Variants in LIMK2 observed in about 807,000 individuals in gnomAD.
The protein encoded by LIMK2 is LIM domain kinase 2.
In LIMK2, 35 loss-of-function variants were observed where a neutral mutation model predicts 75.7. That is an observed-to-expected ratio of 0.46 (90% CI 0.35 to 0.61). The LOEUF (loss-of-function observed/expected upper bound fraction) is 0.61, where lower values mean the gene tolerates loss of function less well. Among genes scored for constraint, LIMK2 ranks in the 20% least tolerant of loss-of-function variants. The probability of loss-of-function intolerance (pLI) is 0.00; values close to 1 mark genes in which losing one functional copy is unlikely to be tolerated. For missense variants in LIMK2, 623 were observed against 831.0 expected (o/e 0.75, Z 3.08); for synonymous variants, 301 against 319.2 (o/e 0.94, Z 0.61).
intron 2 of LIMK2, among the ~76,000 whole-genome samples, chr22:31,227,929 T>C (rs2048492926): frequency 6.6e-6 from 1 of 152,146 alleles, no homozygotes; most frequent in African/African-American, 2.4e-5. Flanking sequence ...AAAGACTTGC[T>C]CAGGCCATGG....
chr22:31,253,819 G>A (rs759063972), intron 2 of LIMK2, among the ~76,000 whole-genome samples: 5 of 152,166 alleles, frequency 3.3e-5, no homozygotes, highest in Non-Finnish European at 7.3e-5. Flanking sequence ...ATATAAATAA[G>A]GTACCTCATA....
chr22:31,278,187 G>A (rs1337594891), intron 15 of LIMK2, 110 bp from the exon 16 acceptor site: 1 of 920,532 alleles, frequency 1.1e-6, no homozygotes, highest in Non-Finnish European at 1.7e-6. Context: ...AGGTGAAGGA[G>A]TTTGCCTGAC....
chr22:31,212,453 G>T (rs1415113543), intron 1 of LIMK2, 29 bp downstream of exon 1: 1 of 1,318,280 alleles, frequency 7.6e-7, no homozygotes, highest in South Asian at 2.9e-5. Context: ...GCCCTGTCCC[G>T]CTGTTATCTC....
Position 31,271,154 on chromosome 22 carries a change from T to C in LIMK2, c.1336T>C (p.Cys446Arg), listed in dbSNP as rs904459217. ...GTTCCAGGCCTATTTGCACTCTATG[T>C]GCATCATCCACCGGGATCTGAACTC... Reference protein sequence around the residue: ...ASGMAYLHSMCIIHRDLNSHN... With the variant: ...ASGMAYLHSMRIIHRDLNSHN... The change falls in exon 12 of 16, where the codon TGC (cysteine) becomes CGC (arginine). Residue 446 changes from cysteine to arginine, a missense_variant. Cys to Arg is a radical substitution (Grantham distance 180). This residue lies in a region of LIMK2 where 514 missense variants were observed against 661.3 expected (regional missense o/e 0.78). Transcript: ENST00000331728. The C allele has an allele frequency of 4.1e-5, 66 of 1,613,994 alleles. No homozygotes were observed. Among genetic ancestry groups the C allele is most frequent in the Non-Finnish European group, 5.6e-5 (66 of 1,179,964 alleles).
intron 1 of LIMK2, among the ~76,000 whole-genome samples, chr22:31,224,246 G>C (rs2048459960): frequency 1.3e-5 from 2 of 152,162 alleles, no homozygotes; most frequent in African/African-American, 4.8e-5. Context: ...CTTTTTGGAG[G>C]AACATGGACC....
In LIMK2 at chr22:31,275,258, G is replaced by T. The variant is rs144719111; in HGVS notation, c.1722G>T (p.Pro574=). Residue 574 remains proline (P), a synonymous_variant, in exon 15 of 16, where the codon CCG becomes CCT. Transcript: ENST00000331728. The part of the protein sequence containing the change: ...WEKFVPTDCP[P]AFFPLAAICC... ...AGTTTGTTCCCACAGATTGTCCCCC[G>T]GCCTTCTTCCCGCTGGCCGCCATCT... 1 of 1,614,172 alleles carries T rather than the reference G, an allele frequency of 6.2e-7. No homozygotes were observed.
intron 2 of LIMK2, among the ~76,000 whole-genome samples, chr22:31,243,140 A>G (rs1028707603): frequency 6.6e-6 from 1 of 152,162 alleles, no homozygotes; most frequent in South Asian, 2.1e-4. Flanking sequence ...CAGGTTGGTC[A>G]CGAACACTTG....
rs2048820854 is a variant in LIMK2 at position 31,259,919 on chromosome 22, A to G, written c.393A>G (p.Ala131=). ...AGTGCCACAATGAGGTGGTGCTGGC[A>G]CCCATGTTTGAGAGACTCTCCACAG... The part of the protein sequence containing the change: ...CGKCHNEVVL[A]PMFERLSTES... The change falls in exon 5 of 16, where the codon GCA becomes GCG. Residue 131 remains alanine (A), a synonymous_variant. Transcript: ENST00000331728. The G allele has an allele frequency of 1.2e-6, 2 of 1,609,350 alleles. No individual in the cohort carries two copies. The highest frequency in any genetic ancestry group is 3.4e-5 in the Admixed American group (2 of 58,746).
chr22:31,276,733 C>G, intron 15 of LIMK2: 1 of 1,498,060 alleles, frequency 6.7e-7, no homozygotes, highest in Non-Finnish European at 8.9e-7. Context: ...TTGGCGGCCC[C>G]GGCCCCGGCC....
At position 31,271,570 on chromosome 22, in the gene LIMK2, G is replaced by T. The variant is rs371984026; in HGVS notation, c.1383+369G>T. On this transcript the variant is annotated intron_variant, in intron 12 of 15. Coordinates refer to ENST00000331728, the MANE Select transcript of LIMK2 (RefSeq NM_005569.4). ...GTGGCACCTGAAGCCTCAGCCTGAG[G>T]CCACCGAGCTAGTAAATTTACAGGG... 4.6e-5 allele frequency among the ~76,000 whole-genome samples: 7 copies of T among 152,266 alleles called. No individual in the cohort carries two copies. In the East Asian group the frequency reaches 7.7e-4, roughly 17 times the overall value.
chr22:31,225,876 A>C, intron 2 of LIMK2, 57 bp downstream of exon 2: 3 of 1,226,264 alleles, frequency 2.4e-6, no homozygotes, highest in South Asian at 1.2e-5. Flanking sequence ...GCACTATTTC[A>C]TGTTCTGATG....
Position 31,234,326 on chromosome 22 carries a change from TA to T in LIMK2, c.116+8521del, listed in dbSNP as rs1381969510. ...TGCACCTGGCTGGAAGGAGTGATCT[TA>T]AAAAAAAAAAAAACAAAAAAAAACT... On this transcript the variant is annotated intron_variant, in intron 2 of 15. Transcript: ENST00000331728. 5.2e-3 allele frequency among the ~76,000 whole-genome samples: 664 copies of T among 127,800 alleles called. 6 individuals carry two copies. The highest frequency in any genetic ancestry group is 7.9e-3 in the Non-Finnish European group (473 of 59,810). 83.8% of individuals were successfully genotyped at this position (127,800 alleles called of 152,430 possible). A position where few individuals can be genotyped will look rare whatever the true frequency, so the allele number is the denominator to read the frequency against.
chr22:31,254,857 G>T (rs2048761545), intron 2 of LIMK2, among the ~76,000 whole-genome samples: 1 of 152,106 alleles, frequency 6.6e-6, no homozygotes, highest in African/African-American at 2.4e-5. Flanking sequence ...TACTCAGGAG[G>T]CTGAGGTGGG....
rs1176957466 is a variant in LIMK2 at position 31,258,329 on chromosome 22, A to G, written c.155A>G (p.Tyr52Cys). The stretch of plus-strand genomic sequence containing the variant: ...CAGGATTCCCTCACCAACTGGTACT[A>G]TGAGAAGGATGGGAAGCTCTACTGC... ...ECQDSLTNWYYEKDGKLYCPK... is the reference protein window; with the variant it reads ...ECQDSLTNWYCEKDGKLYCPK... The change falls in exon 3 of 16, where the codon TAT (tyrosine) becomes TGT (cysteine). Residue 52 changes from tyrosine to cysteine, a missense_variant. Physicochemically the swap from Tyr to Cys is radical, Grantham distance 194 (BLOSUM62 -2). Coordinates refer to ENST00000331728, the MANE Select transcript of LIMK2 (RefSeq NM_005569.4). The G allele has an allele frequency of 5.0e-6, 8 of 1,613,118 alleles. No homozygotes were observed. Among genetic ancestry groups the G allele is most frequent in the Non-Finnish European group, 5.9e-6 (7 of 1,179,476 alleles).
At chr22:31,243,804 G>A (rs1463099521) in intron 2 of LIMK2, among the ~76,000 whole-genome samples, 1 of 152,158 alleles carries the variant, frequency 6.6e-6, no homozygotes, top group Admixed American at 6.5e-5. Flanking sequence ...AGGGTGGGAG[G>A]GTGAAATATA....
rs777215686 is a variant in LIMK2 at position 31,248,795 on chromosome 22, T to A, written c.117-9496T>A. On this transcript the variant is annotated intron_variant, in intron 2 of 15. Transcript: ENST00000331728. ...GTGAGTTGGTCTCCGAGTTCCCCTC[T>A]CCATCTCTCCTGGCCCCTGGTCCTG... 20 of 1,612,806 alleles carry A rather than the reference T, an allele frequency of 1.2e-5. No homozygotes were observed. In the Admixed American group the frequency reaches 3.3e-4, roughly 27 times the overall value.
In LIMK2 at chr22:31,278,351, G is replaced by A. The variant is rs1244089102; in HGVS notation, c.1827G>A (p.Gly609=). 1.2e-6 allele frequency: 2 copies of A among 1,613,964 alleles called. No individual in the cohort carries two copies. Among genetic ancestry groups the A allele is most frequent in the Non-Finnish European group, 1.7e-6 (2 of 1,179,926 alleles). ...DSFEALSLYL[G]ELGIPLPAEL... is the part of the protein sequence containing the mutation. ...TTGAGGCCCTCTCCCTGTACCTGGG[G>A]GAGCTGGGCATCCCGCTGCCTGCAG... Residue 609 remains glycine, a synonymous_variant, in exon 16 of 16, where the codon GGG becomes GGA. Coordinates refer to ENST00000331728, the MANE Select transcript of LIMK2 (RefSeq NM_005569.4).
intron 15 of LIMK2, chr22:31,276,881 C>CTTGATGA: frequency 6.2e-7 from 1 of 1,612,586 alleles, no homozygotes. Context: ...AAGTATGACC[C>CTTGATGA]CAAGGAGCTA....
At chr22:31,224,874 G>A (rs979248486) in intron 1 of LIMK2, among the ~76,000 whole-genome samples, 2 of 152,294 alleles carry the variant, frequency 1.3e-5, no homozygotes, top group South Asian at 2.1e-4. Flanking sequence ...CCCCTGGACC[G>A]CCAACTGGTA....
Sources: gnomAD v4.1 joint callset for allele counts (sites outside exome capture counted in the v4.1 genomes callset) on GRCh38, gnomAD v4.1.1 for gene constraint, gnomAD v4.1.1 regional missense constraint, MANE v1.5 for transcripts, NCBI Gene and HGNC (gene_info 2026-07-23, HGNC 2026-07-21) for gene names.